The following ASL variants were observed in gnomAD, a reference collection of about 807,000 sequenced individuals.
ASL encodes argininosuccinase.
In ASL, 51 loss-of-function variants were observed where a neutral mutation model predicts 69.1. The observed-to-expected ratio is 0.74, with a 90% CI of 0.59 to 0.93. The LOEUF (loss-of-function observed/expected upper bound fraction) is 0.93, where lower values mean the gene tolerates loss of function less well. ASL is among the 40% of genes least tolerant of loss of function. ASL has a pLI of 0.00. For synonymous variants in ASL, 241 were observed against 247.6 expected (o/e 0.97, Z 0.25); for missense variants, 540 against 623.9 (o/e 0.87, Z 1.43).
At chr7:66,092,219 AG>A in intron 15 of ASL, 133 bp downstream of exon 15, 1 of 1,081,360 alleles carries the variant, frequency 9.2e-7, no homozygotes, top group Non-Finnish European at 1.4e-6. Flanking sequence ...TGGGAAGCCG[AG>A]GTGGGCGGGT....
At position 66,088,996 on chromosome 7, in the gene ASL, T is replaced by A. The variant is rs1786755272; in HGVS notation, c.833+75T>A. ...CCCGCCGCCCGCGGACGTGGCTGCC[T>A]TCCTCCCCGTCCCACCCCTCCGCCA... On this transcript the variant is annotated intron_variant, in intron 11 of 16. Coordinates refer to ENST00000304874, the MANE Select transcript of ASL (RefSeq NM_000048.4). The A allele has an allele frequency of 3.7e-6, 6 of 1,605,696 alleles. No individual in the cohort carries two copies. The Admixed American group carries it at 1.0e-4, about 27-fold the overall frequency.
chr7:66,087,301 A>T, intron 8 of ASL, 33 bp from the exon 9 acceptor site: 1 of 1,592,232 alleles, frequency 6.3e-7, no homozygotes, highest in Non-Finnish European at 8.5e-7. Context: ...GCCTGCCAGG[A>T]GCCCTGGTCA....
chr7:66,076,950 C>T (rs1786364097), intron 2 of ASL, among the ~76,000 whole-genome samples: 1 of 152,192 alleles, frequency 6.6e-6, no homozygotes, highest in African/African-American at 2.4e-5. Flanking sequence ...CAGTGCCCTG[C>T]AAGCTTCTGG....
rs777162448 is a variant in ASL, at chr7:66,092,939, A to G, written c.*27A>G. On this transcript the variant is annotated 3_prime_UTR_variant, in exon 17 of 17. Coordinates refer to ENST00000304874, the MANE Select transcript of ASL (RefSeq NM_000048.4). Reference sequence around the variant, plus strand: ...TCCTCCCACACCTGCCCCCTAATAAAGTGGGCGCGAGAGGAGGCTGCTGTG... The same window carrying G: ...TCCTCCCACACCTGCCCCCTAATAAGGTGGGCGCGAGAGGAGGCTGCTGTG... 2 of 1,589,956 alleles carry G rather than the reference A, an allele frequency of 1.3e-6. No individual in the cohort carries two copies. The highest frequency in any genetic ancestry group is 1.1e-5 in the South Asian group (1 of 89,990).
chr7:66,091,294 A>T (rs538433663), intron 14 of ASL, among the ~76,000 whole-genome samples: 1 of 152,222 alleles, frequency 6.6e-6, no homozygotes, highest in East Asian at 1.9e-4. Flanking sequence ...CTGGTGGCTC[A>T]TGCTTGTAAT....
At position 66,081,189 on chromosome 7, in the gene ASL, A is replaced by C. The variant is rs187281746; in HGVS notation, c.13-614A>C. Among the ~76,000 whole-genome samples, 314 of 152,000 alleles carry C rather than the reference A, an allele frequency of 2.1e-3. 3 individuals carry two copies. Among genetic ancestry groups the C allele is most frequent in the African/African-American group, 7.4e-3 (307 of 41,310 alleles). On this transcript the variant is annotated intron_variant, in intron 2 of 16. Transcript: ENST00000304874. ...TAGGATGGCACCTAGCACCTTGGTC[A>C]GTGGTGGGAAAGGTTCCAGAAGTTC...
At position 66,084,045 on chromosome 7, in the gene ASL, GA is replaced by G. The variant is rs376103408; in HGVS notation, c.446+875del. 2.4e-4 allele frequency among the ~76,000 whole-genome samples: 36 copies of G among 152,278 alleles called. No individual in the cohort carries two copies. In the East Asian group the frequency reaches 6.2e-3, roughly 26 times the overall value. On this transcript the variant is annotated intron_variant, in intron 6 of 16. Transcript: ENST00000304874. Reference sequence around the variant, plus strand: ...TGACCCCTGTTGTGCAGACTTGGGGGAAAACAAGGGCACAAGAATTGTCACC... The same window carrying G: ...TGACCCCTGTTGTGCAGACTTGGGGGAAACAAGGGCACAAGAATTGTCACC...
chr7:66,089,382 C>T lies in ASL; in HGVS notation c.978+47C>T, dbSNP rs188109158. The T allele has an allele frequency of 0.011, 17,866 of 1,564,748 alleles. 150 individuals carry two copies. The highest frequency in any genetic ancestry group is 0.013 in the Non-Finnish European group (15,157 of 1,154,088). On this transcript the variant is annotated intron_variant, in intron 13 of 16. Transcript: ENST00000304874. ...GGCTAGTACGTGCCAGTTCTCAGGG[C>T]TCTGGCACACTCAGGCAGGGCCCCA... is the stretch of plus-strand genomic sequence containing the variant.
chr7:66,089,775 G>C, intron 14 of ASL, 80 bp downstream of exon 14: 1 of 1,496,350 alleles, frequency 6.7e-7, no homozygotes, highest in African/African-American at 1.4e-5. Context: ...GCCTTGGGAG[G>C]AGGTGAGGTG....
At position 66,093,104 on chromosome 7, in the gene ASL, C is replaced by A; in HGVS notation, c.*192C>A. ...GGGCAAGGTGCGAGGATGCTTGAGGCCAGGAGTTTGACACAGCCTGGGCAA... is the reference window on the plus strand; with the variant it reads ...GGGCAAGGTGCGAGGATGCTTGAGGACAGGAGTTTGACACAGCCTGGGCAA... On this transcript the variant is annotated 3_prime_UTR_variant, in exon 17 of 17. Coordinates refer to ENST00000304874, the MANE Select transcript of ASL (RefSeq NM_000048.4). 1 of 874,792 alleles carries A rather than the reference C, an allele frequency of 1.1e-6. No individual in the cohort carries two copies. The highest frequency in any genetic ancestry group is 2.3e-5 in the Admixed American group (1 of 43,874). The allele number at this position is 874,792 out of a possible 1,614,324, so 54.2% of individuals were successfully genotyped here.
rs1375070104 is a variant in ASL at position 66,092,091 on chromosome 7, G to C, written c.1143+5G>C. 6.2e-7 allele frequency: 1 copy of C among 1,610,664 alleles called. No individual in the cohort carries two copies. On this transcript the variant is annotated splice_donor_5th_base_variant and intron_variant, in intron 15 of 16. Coordinates refer to ENST00000304874, the MANE Select transcript of ASL (RefSeq NM_000048.4). Reference sequence around the variant, plus strand: ...TATTACCTGGTCCGCAAAGGGGTAAGTGTGTAGCAGCCAGGGGGAGGGTGA... The same window carrying C: ...TATTACCTGGTCCGCAAAGGGGTAACTGTGTAGCAGCCAGGGGGAGGGTGA...
At position 66,089,217 on chromosome 7, in the gene ASL, G is replaced by A. The variant is rs776183045; in HGVS notation, c.918+42G>A. On this transcript the variant is annotated intron_variant, in intron 12 of 16. Coordinates refer to ENST00000304874, the MANE Select transcript of ASL (RefSeq NM_000048.4). ...GAGGGGCGGGGCCTCTGGGCTGATG[G>A]TGGGTGGCCAGGGGGGCAGGATCCC... 4 of 1,612,586 alleles carry A rather than the reference G, an allele frequency of 2.5e-6. No homozygotes were observed. In the South Asian group the frequency reaches 3.3e-5, roughly 13 times the overall value.
At chr7:66,082,517 A>G in intron 4 of ASL, 66 bp downstream of exon 4, 1 of 1,516,072 alleles carries the variant, frequency 6.6e-7, no homozygotes, top group Non-Finnish European at 9.0e-7. Context: ...GGCCACTTTG[A>G]GCATTAGCAC....
chr7:66,081,654 G>A, intron 2 of ASL, 149 bp from the exon 3 acceptor site: 1 of 905,044 alleles, frequency 1.1e-6, no homozygotes, highest in Non-Finnish European at 1.7e-6. Context: ...TGGTGACTCT[G>A]GGAAGGTCTC....
intron 13 of ASL, 72 bp from the exon 14 acceptor site, chr7:66,089,540 G>C (rs1217630401): frequency 5.2e-6 from 8 of 1,549,198 alleles, no homozygotes; most frequent in Admixed American, 1.7e-5. Context: ...GCCTCAGTGG[G>C]GGGGTGGGGC....
At chr7:66,075,891 G>T (rs1281014829) in intron 1 of ASL, 35 bp downstream of exon 1, 9 of 664,098 alleles carry the variant, frequency 1.4e-5, no homozygotes, top group South Asian at 1.9e-5. Context: ...CGGGACGGGC[G>T]TGGAGGACGC....
At chr7:66,089,960 C>T (rs988624703) in intron 14 of ASL, among the ~76,000 whole-genome samples, 2 of 152,220 alleles carry the variant, frequency 1.3e-5, no homozygotes, top group African/African-American at 4.8e-5. Context: ...AACAAAAGGC[C>T]AGGTGCAGTG....
chr7:66,078,299 G>A (rs1786404680), intron 2 of ASL, among the ~76,000 whole-genome samples: 1 of 152,098 alleles, frequency 6.6e-6, no homozygotes, highest in African/African-American at 2.4e-5. Context: ...GCAGCTGTGG[G>A]GTAAGGGGCA....
chr7:66,076,242 G>A (rs966156127), intron 2 of ASL, 149 bp downstream of exon 2: 1 of 1,071,266 alleles, frequency 9.3e-7, no homozygotes, highest in African/African-American at 1.6e-5. Flanking sequence ...CAGCCCTCCC[G>A]GGCGCATCAT....
Sources: allele counts gnomAD v4.1 joint callset (sites outside exome capture counted in the v4.1 genomes callset), GRCh38; gene constraint gnomAD v4.1.1; transcripts MANE v1.5; gene names NCBI Gene and HGNC (gene_info 2026-07-23, HGNC 2026-07-21).